KCNT1: variants seen among roughly 807,000 people sequenced by gnomAD.
KCNT1 encodes potassium channel subfamily T member 1.
In KCNT1, 78 loss-of-function variants were observed where a neutral mutation model predicts 147.8. The ratio of observed to expected loss-of-function variants is 0.53; its 90% CI spans 0.44 to 0.64. KCNT1 has a LOEUF of 0.64. Among genes scored for constraint, KCNT1 ranks in the 30% least tolerant of loss-of-function variants. The pLI, the probability that KCNT1 is intolerant of heterozygous loss-of-function variation, is 0.00. For synonymous variants in KCNT1, 867 were observed against 748.8 expected (o/e 1.16, Z -2.58); for missense variants, 1,419 against 1,750.3 (o/e 0.81, Z 3.38).
chr9:135,777,595 C>G (rs902911585), intron 21 of KCNT1, 85 bp downstream of exon 21: 1 of 1,358,910 alleles, frequency 7.4e-7, no homozygotes, highest in Non-Finnish European at 1.0e-6. Context: ...GCCCACCCTT[C>G]GCCTTTGCAG....
intron 2 of KCNT1, among the ~76,000 whole-genome samples, chr9:135,719,827 C>T (rs1835855461): frequency 6.6e-6 from 1 of 152,184 alleles, no homozygotes; most frequent in Non-Finnish European, 1.5e-5. Context: ...AGGGAGTGGC[C>T]GCCTTGCCAC....
chr9:135,709,522 G>C (rs1835394612), intron 1 of KCNT1, among the ~76,000 whole-genome samples: 1 of 151,814 alleles, frequency 6.6e-6, no homozygotes, highest in Non-Finnish European at 1.5e-5. Flanking sequence ...CACTACATGA[G>C]AGCCCTGGCT....
chr9:135,791,869 C>T lies in KCNT1; in HGVS notation c.3575C>T (p.Pro1192Leu), dbSNP rs147654995. The change falls in exon 30 of 31, where the codon CCC becomes CTC. Residue 1192 changes from proline (P) to leucine (L), a missense_variant. Pro to Leu is a moderately conservative substitution (Grantham distance 98). Around this residue, in one of 5 missense-constraint regions of KCNT1, gnomAD observed 306 missense variants for 294.2 expected, o/e 1.04. Transcript: ENST00000371757. ...CCTCCGCCCGACACGAGGCTGGAGC[C>T]CAGTGACATTGTGTGAGTAGCACCT... The part of the protein sequence containing the change: ...INPPPDTRLE[P>L]SDIVYLIRSD... 6.8e-6 allele frequency: 11 copies of T among 1,613,942 alleles called. No individual in the cohort carries two copies. In the African/African-American group the frequency reaches 1.5e-4, roughly 22 times the overall value.
intron 29 of KCNT1, among the ~76,000 whole-genome samples, chr9:135,787,324 C>T (rs1834137249): frequency 6.6e-6 from 1 of 152,214 alleles, no homozygotes; most frequent in South Asian, 2.1e-4. Flanking sequence ...TCATCCCCTC[C>T]CTCACTCTAG....
rs140426355 is a variant in KCNT1, at chr9:135,732,515, T to C, written c.255-17583T>C. 7.2e-5 allele frequency among the ~76,000 whole-genome samples: 11 copies of C among 152,230 alleles called. No individual in the cohort carries two copies. The East Asian group carries it at 2.1e-3, about 30-fold the overall frequency. On this transcript the variant is annotated intron_variant, in intron 2 of 30. Transcript: ENST00000371757. Reference sequence around the variant, plus strand: ...TCCTGTTCCTCCTGGCTTGGGCTCATTGAGTCATAACTGTATGGCGTGTGG... The same window carrying C: ...TCCTGTTCCTCCTGGCTTGGGCTCACTGAGTCATAACTGTATGGCGTGTGG...
intron 1 of KCNT1, among the ~76,000 whole-genome samples, chr9:135,707,913 G>C (rs922336153): frequency 1.3e-5 from 2 of 152,208 alleles, no homozygotes; most frequent in Admixed American, 6.5e-5. Context: ...CTCAGGAGAT[G>C]GTGCTGAGCA....
intron 29 of KCNT1, among the ~76,000 whole-genome samples, chr9:135,788,554 T>G (rs1013420058): frequency 2.6e-5 from 4 of 152,156 alleles, no homozygotes; most frequent in Non-Finnish European, 5.9e-5. Flanking sequence ...CCACAAGCAG[T>G]CTGAGGACCC....
At chr9:135,705,808 C>T (rs1348027404) in intron 1 of KCNT1, among the ~76,000 whole-genome samples, 1 of 151,856 alleles carries the variant, frequency 6.6e-6, no homozygotes, top group Non-Finnish European at 1.5e-5. Flanking sequence ...TTGCAGGGGA[C>T]AGTGGCAGGG....
At chr9:135,778,925 A>AT (rs1401381223) in intron 23 of KCNT1, 103 bp downstream of exon 23, 1 of 1,383,200 alleles carries the variant, frequency 7.2e-7, no homozygotes, top group Non-Finnish European at 9.7e-7. Context: ...CCTCGCCCTG[A>AT]GACCCCCACA....
chr9:135,732,030 A>AGAGAGAGG (rs1836500769), intron 2 of KCNT1, among the ~76,000 whole-genome samples: 5 of 134,370 alleles, frequency 3.7e-5, no homozygotes, highest in Non-Finnish European at 8.1e-5. Context: ...AGAGAGAGAG[A>AGAGAGAGG]GAGAGAGAGA....
intron 2 of KCNT1, among the ~76,000 whole-genome samples, chr9:135,731,979 TATATATATATATAGAGAGAGAGAG>T (rs1836468993): frequency 1.1e-4 from 3 of 28,226 alleles, no homozygotes; most frequent in African/African-American, 2.4e-4. Context: ...TATATATATA[TATATATATATATAGAGAGAGAGAG>T]AGAGAGAGAG....
Position 135,765,759 on chromosome 9 carries a change from A to C in KCNT1, c.1336A>C (p.Lys446Gln), listed in dbSNP as rs144824627. 4.4e-5 allele frequency: 71 copies of C among 1,595,792 alleles called. No homozygotes were observed. Among genetic ancestry groups the C allele is most frequent in the Non-Finnish European group, 5.8e-5 (68 of 1,167,174 alleles). Residue 446 changes from lysine (K) to glutamine (Q), a missense_variant and splice_region_variant, in exon 13 of 31, where the codon AAG becomes CAG. This residue lies in a region of KCNT1 where 401 missense variants were observed against 610.6 expected (regional missense o/e 0.66). Coordinates refer to ENST00000371757, the MANE Select transcript of KCNT1 (RefSeq NM_020822.3). ...ALKDQDLMRA[K>Q]MDNGEACFIL... is the part of the protein sequence containing the mutation. ...CAAAGACCAGGACCTCATGCGAGCC[A>C]AGTGAGTGCTGGTGGGCGGAGGGGG...
rs539139475 is a variant in KCNT1 at position 135,768,666 on chromosome 9, C to G, written c.1394C>G (p.Thr465Arg). 2 of 1,550,158 alleles carry G rather than the reference C, an allele frequency of 1.3e-6. No individual in the cohort carries two copies. Among genetic ancestry groups the G allele is most frequent in the Non-Finnish European group, 8.7e-7 (1 of 1,146,666 alleles). The change falls in exon 14 of 31, where the codon ACG (threonine) becomes AGG (arginine). Residue 465 changes from threonine to arginine, a missense_variant. By Grantham distance (71) the Thr-to-Arg change is moderately conservative. Around this residue, in one of 5 missense-constraint regions of KCNT1, gnomAD observed 401 missense variants for 610.6 expected, o/e 0.66. Coordinates refer to ENST00000371757, the MANE Select transcript of KCNT1 (RefSeq NM_020822.3). ...AGCAGCAGGAACGAGGTGGACCGCA[C>G]GGCTGCAGTGAGTGAGGCTGAGGCC... ...ILSSRNEVDR[T>R]AADHQTILRA...
chr9:135,729,622 G>A lies in KCNT1; in HGVS notation c.254+14902G>A, dbSNP rs1564326141. ...GTTCGTTACGCAACAGAGGTAGCACGTACACCAGGCCTCTCGTCCTGCAGA... is the reference window on the plus strand; with the variant it reads ...GTTCGTTACGCAACAGAGGTAGCACATACACCAGGCCTCTCGTCCTGCAGA... On this transcript the variant is annotated intron_variant, in intron 2 of 30. Transcript: ENST00000371757. Among the ~76,000 whole-genome samples, 3 of 152,326 alleles carry A rather than the reference G, an allele frequency of 2.0e-5. No individual in the cohort carries two copies. In the East Asian group the frequency reaches 5.8e-4, roughly 29 times the overall value.
rs71505362 is a variant in KCNT1 at position 135,732,750 on chromosome 9, ATCTC to A, written c.255-17325_255-17322del. Reference sequence around the variant, plus strand: ...TTCTTTGTCTGCTGAAGTCCAACCTATCTCTCTCTCTCTCTCTCTCTCTCTCATT... The same window carrying A: ...TTCTTTGTCTGCTGAAGTCCAACCTATCTCTCTCTCTCTCTCTCTCTCATT... On this transcript the variant is annotated intron_variant, in intron 2 of 30. Coordinates refer to ENST00000371757, the MANE Select transcript of KCNT1 (RefSeq NM_020822.3). 4.3e-3 allele frequency among the ~76,000 whole-genome samples: 637 copies of A among 147,876 alleles called. 3 individuals are homozygous for A. Among genetic ancestry groups the A allele is most frequent in the African/African-American group, 0.015 (594 of 40,022 alleles).
At chr9:135,791,102 C>T (rs1834475937) in intron 29 of KCNT1, 1 of 152,432 alleles carries the variant, frequency 6.6e-6, no homozygotes, top group African/African-American at 2.4e-5. Flanking sequence ...TGGGGGTGCT[C>T]TGGGCTGATG....
chr9:135,702,189 CA>C lies in KCNT1; in HGVS notation c.-68del. ...AGGAAAAAAAAAATGTTTTTCAGGG[CA>C]ACGCGAGGGAAGAAGGTGGCGGCTC... On this transcript the variant is annotated 5_prime_UTR_variant, in exon 1 of 31. Transcript: ENST00000371757. 1 of 1,165,838 alleles carries C rather than the reference CA, an allele frequency of 8.6e-7. No individual in the cohort carries two copies. The highest frequency in any genetic ancestry group is 1.3e-6 in the Non-Finnish European group (1 of 794,378). 72.2% of individuals were successfully genotyped at this position (1,165,838 alleles called of 1,614,324 possible). A position where few individuals can be genotyped will look rare whatever the true frequency, so the allele number is the denominator to read the frequency against.
chr9:135,774,103 C>T (rs559632181), intron 19 of KCNT1, among the ~76,000 whole-genome samples: 85 of 148,732 alleles, frequency 5.7e-4, no homozygotes, highest in African/African-American at 1.7e-3. Flanking sequence ...TGTGTGTCAA[C>T]GTGTGTTTGT....
At chr9:135,715,032 A>G (rs1240743731) in intron 2 of KCNT1, among the ~76,000 whole-genome samples, 6 of 152,102 alleles carry the variant, frequency 3.9e-5, no homozygotes, top group Non-Finnish European at 8.8e-5. Context: ...CCAGCACCCC[A>G]GTTTTTCTGG....
Sources: allele counts gnomAD v4.1 joint callset (sites outside exome capture counted in the v4.1 genomes callset), GRCh38; gene constraint gnomAD v4.1.1; regional missense constraint gnomAD v4.1.1; transcripts MANE v1.5; gene names NCBI Gene and HGNC (gene_info 2026-07-23, HGNC 2026-07-21).